The following CTNNA3 variants were observed in gnomAD, a reference collection of about 807,000 sequenced individuals.
CTNNA3 encodes catenin alpha 3, also known as catenin alpha-3.
Under a neutral mutation model 95.7 loss-of-function variants are expected in CTNNA3, and 76 were observed. That is an observed-to-expected ratio of 0.79 (90% confidence interval 0.66 to 0.96). The LOEUF (loss-of-function observed/expected upper bound fraction) is 0.96, where lower values mean the gene tolerates loss of function less well. CTNNA3 is among the 40% of genes least tolerant of loss of function. The pLI is 0.00. For synonymous variants in CTNNA3, 431 were observed against 374.4 expected, an observed-to-expected ratio of 1.15 and a Z score of -1.74; for missense variants, 1,191 against 1,089.8, an observed-to-expected ratio of 1.09 and a Z score of -1.31.
At chr10:66,953,509 T>C (rs985632392) in intron 7 of CTNNA3, among the ~76,000 whole-genome samples, 14 of 152,176 alleles carry the variant, frequency 9.2e-5, no homozygotes, top group Admixed American at 2.6e-4. Flanking sequence ...TACCATCATG[T>C]TCTTCCAGAA....
At chr10:67,002,817 T>C (rs1028411152) in intron 7 of CTNNA3, among the ~76,000 whole-genome samples, 3 of 152,326 alleles carry the variant, frequency 2.0e-5, no homozygotes, top group Non-Finnish European at 4.4e-5. Context: ...ATTTAGCATG[T>C]ATTTGATTAT....
chr10:65,923,485 C>T (rs561486550), intron 17 of CTNNA3, among the ~76,000 whole-genome samples: 9 of 152,266 alleles, frequency 5.9e-5, no homozygotes, highest in Admixed American at 3.3e-4. Flanking sequence ...TTTAAAAGAA[C>T]GGTTGGCATT....
At chr10:67,645,003 T>A (rs1839661033) in intron 2 of CTNNA3, among the ~76,000 whole-genome samples, 2 of 152,128 alleles carry the variant, frequency 1.3e-5, no homozygotes, top group African/African-American at 2.4e-5. Flanking sequence ...TCATGAAAAG[T>A]TTGAATCCAA....
intron 9 of CTNNA3, among the ~76,000 whole-genome samples, chr10:66,648,852 T>C (rs1252197309): frequency 6.6e-6 from 1 of 152,122 alleles, no homozygotes; most frequent in South Asian, 2.1e-4. Flanking sequence ...GGTTGGAAAT[T>C]CAGGAGAAAA....
In CTNNA3 at chr10:66,630,269, A is replaced by C. The variant is rs1845085983; in HGVS notation, c.1282-8485T>G. On this transcript the variant is annotated intron_variant, in intron 9 of 17. Transcript: ENST00000433211. ...TTTTAAGGGAGGAGTCAGCAGCAGA[A>C]ATTCAGGACAAGAAATAAAGAGGAA... Among the ~76,000 whole-genome samples, 4 of 152,144 alleles carry C rather than the reference A, an allele frequency of 2.6e-5. No homozygotes were observed. In the South Asian group the frequency reaches 8.3e-4, roughly 32 times the overall value.
chr10:66,485,226 A>G (rs775488953), intron 11 of CTNNA3, among the ~76,000 whole-genome samples: 23 of 152,140 alleles, frequency 1.5e-4, no homozygotes, highest in Non-Finnish European at 2.8e-4. Context: ...TGGAAGTTGT[A>G]TTTAAGGCAA....
intron 13 of CTNNA3, among the ~76,000 whole-genome samples, chr10:66,247,872 G>C (rs1412272761): frequency 6.6e-6 from 1 of 152,082 alleles, no homozygotes; most frequent in African/African-American, 2.4e-5. Context: ...AAAAGGAAAG[G>C]ACATTAATGA....
intron 10 of CTNNA3, among the ~76,000 whole-genome samples, chr10:66,616,960 C>T (rs1443068232): frequency 6.6e-6 from 1 of 151,808 alleles, no homozygotes; most frequent in Non-Finnish European, 1.5e-5. Context: ...ATCATCCCTG[C>T]CCTCTATGAA....
chr10:66,317,531 G>GTA (rs2092119174), intron 12 of CTNNA3, among the ~76,000 whole-genome samples: 3 of 151,870 alleles, frequency 2.0e-5, no homozygotes, highest in Non-Finnish European at 4.4e-5. Flanking sequence ...AGATTAGCTG[G>GTA]ACGTGGTGGT....
At chr10:67,225,828 C>CA (rs535717670) in intron 5 of CTNNA3, among the ~76,000 whole-genome samples, 18 of 152,086 alleles carry the variant, frequency 1.2e-4, no homozygotes, top group African/African-American at 3.9e-4. Flanking sequence ...TTAGCACCCC[C>CA]AAAAAGCACA....
rs148456276 is a variant in CTNNA3, at chr10:67,610,993, G to A, written c.100-3944C>T. On this transcript the variant is annotated intron_variant, in intron 2 of 17. Coordinates refer to ENST00000433211, the MANE Select transcript of CTNNA3 (RefSeq NM_013266.4). ...TAGGCTATAAAGACACACCTTCATC[G>A]TAGATACAGGAAGGAACTTCCATGG... 1.3e-3 allele frequency among the ~76,000 whole-genome samples: 203 copies of A among 152,158 alleles called. 1 individual carries two copies. In the Middle Eastern group the frequency reaches 0.031, roughly 23 times the overall value.
intron 5 of CTNNA3, among the ~76,000 whole-genome samples, chr10:67,469,114 C>G (rs1412104583): frequency 6.6e-6 from 1 of 152,084 alleles, no homozygotes; most frequent in Non-Finnish European, 1.5e-5. Context: ...GAGCTGAAAA[C>G]TCTAAGAACA....
At position 66,743,985 on chromosome 10, in the gene CTNNA3, A is replaced by AAAG. The variant is rs1465791816; in HGVS notation, c.1281+22278_1281+22279insCTT. ...GTGAGATTCCATCTCAAAAAAAAAA[A>AAAG]AAAAAAAAAAAAAAGGAAAGAAGGA... On this transcript the variant is annotated intron_variant, in intron 9 of 17. Coordinates refer to ENST00000433211, the MANE Select transcript of CTNNA3 (RefSeq NM_013266.4). Among the ~76,000 whole-genome samples, 270 of 129,332 alleles carry AAAG rather than the reference A, an allele frequency of 2.1e-3. 1 individual carries two copies. Among genetic ancestry groups the AAAG allele is most frequent in the African/African-American group, 6.0e-3 (233 of 39,138 alleles). 84.8% of individuals were successfully genotyped at this position (129,332 alleles called of 152,430 possible).
chr10:66,011,648 T>C (rs552838580), intron 15 of CTNNA3, among the ~76,000 whole-genome samples: 3 of 152,142 alleles, frequency 2.0e-5, no homozygotes, highest in Admixed American at 6.5e-5. Flanking sequence ...CTGTCAGAAA[T>C]GTGTAGAGTA....
At chr10:66,961,116 C>T (rs1204710083) in intron 7 of CTNNA3, among the ~76,000 whole-genome samples, 1 of 152,120 alleles carries the variant, frequency 6.6e-6, no homozygotes, top group Admixed American at 6.6e-5. Flanking sequence ...GGTCTTCTAG[C>T]AAGTCTAGAA....
chr10:66,071,126 A>G (rs975735493), intron 14 of CTNNA3, among the ~76,000 whole-genome samples: 3 of 152,188 alleles, frequency 2.0e-5, no homozygotes, highest in African/African-American at 7.2e-5. Flanking sequence ...TGATGTTTGG[A>G]AAGTCTAGGT....
At chr10:67,538,149 A>G (rs1840541914) in intron 4 of CTNNA3, among the ~76,000 whole-genome samples, 1 of 136,216 alleles carries the variant, frequency 7.3e-6, no homozygotes, top group Non-Finnish European at 1.6e-5. Context: ...CTAAAAAGCT[A>G]CTTAAACTAA....
At chr10:66,300,639 A>G (rs1334639692) in intron 12 of CTNNA3, among the ~76,000 whole-genome samples, 2 of 151,910 alleles carry the variant, frequency 1.3e-5, no homozygotes, top group Admixed American at 6.6e-5. Flanking sequence ...GAAATCATGA[A>G]CACTTTAGAT....
At chr10:66,682,020 G>A (rs1232690542) in intron 9 of CTNNA3, among the ~76,000 whole-genome samples, 2 of 152,164 alleles carry the variant, frequency 1.3e-5, no homozygotes, top group Non-Finnish European at 2.9e-5. Context: ...CTGTGGGCGT[G>A]TCAGGTCCTT....
Sources: allele counts gnomAD v4.1 joint callset (sites outside exome capture counted in the v4.1 genomes callset), GRCh38; gene constraint gnomAD v4.1.1; transcripts MANE v1.5; gene names NCBI Gene and HGNC (gene_info 2026-07-23, HGNC 2026-07-21).